B3GLCT: variants seen among roughly 807,000 people sequenced by gnomAD.
The protein encoded by B3GLCT is beta-1,3-glucosyltransferase.
Under a neutral mutation model 63.4 loss-of-function variants are expected in B3GLCT, and 65 were observed. The observed-to-expected ratio is 1.03, with a 90% CI of 0.84 to 1.26. The LOEUF is 1.26. Ranked by LOEUF, B3GLCT falls within the 50% of genes most tolerant of loss-of-function variation. The pLI is 0.00. For missense variants in B3GLCT, 577 were observed against 604.8 expected (o/e 0.95, Z 0.48); for synonymous variants, 233 against 219.2 (o/e 1.06, Z -0.55).
chr13:31,247,755 A>G, intron 5 of B3GLCT, 100 bp from the exon 6 acceptor site: 1 of 634,162 alleles, frequency 1.6e-6, no homozygotes, highest in Non-Finnish European at 2.8e-6. Flanking sequence ...TAGATATGCC[A>G]TTCTGTGTAC....
chr13:31,271,415 A>G (rs759523684), intron 8 of B3GLCT, among the ~76,000 whole-genome samples: 18 of 152,324 alleles, frequency 1.2e-4, no homozygotes, highest in Non-Finnish European at 2.5e-4. Context: ...TATTACAACC[A>G]TTGCTTCTAT....
chr13:31,299,073 G>C (rs1392440687), intron 12 of B3GLCT, among the ~76,000 whole-genome samples: 3 of 152,130 alleles, frequency 2.0e-5, no homozygotes, highest in African/African-American at 4.8e-5. Context: ...TCCTGCCTTG[G>C]CAAGATTTGC....
At chr13:31,227,069 C>T (rs1870138672) in intron 3 of B3GLCT, among the ~76,000 whole-genome samples, 2 of 151,936 alleles carry the variant, frequency 1.3e-5, no homozygotes, top group Admixed American at 1.3e-4. Flanking sequence ...TTGCAACTTG[C>T]TTTTTTCAGC....
chr13:31,282,554 A>G (rs759340121), intron 10 of B3GLCT, among the ~76,000 whole-genome samples: 2 of 151,380 alleles, frequency 1.3e-5, no homozygotes, highest in Non-Finnish European at 1.5e-5. Context: ...AAGCAGGAGC[A>G]TGGTGTGAAC....
Position 31,200,019 on chromosome 13 carries a change from C to A in B3GLCT, c.-66C>A. 2 of 1,055,336 alleles carry A rather than the reference C, an allele frequency of 1.9e-6. No individual in the cohort carries two copies. The highest frequency in any genetic ancestry group is 2.4e-6 in the Non-Finnish European group (2 of 828,370). 65.4% of individuals were successfully genotyped at this position (1,055,336 alleles called of 1,614,324 possible). On this transcript the variant is annotated 5_prime_UTR_variant, in exon 1 of 15. Coordinates refer to ENST00000343307, the MANE Select transcript of B3GLCT (RefSeq NM_194318.4). ...CGGCAGGGCGGCGGCGGCAGCGGCG[C>A]AGCTCCGCTCCCCGCGCGTCTCCCT...
In B3GLCT at chr13:31,274,541, A is replaced by G; in HGVS notation, c.693A>G (p.Gly231=). 6.2e-7 allele frequency: 1 copy of G among 1,613,876 alleles called. No individual in the cohort carries two copies. The highest frequency in any genetic ancestry group is 8.5e-7 in the Non-Finnish European group (1 of 1,179,992). The part of the protein sequence containing the change: ...IALYIWDKGG[G]PPLTPVPEFC... ...TCTACATCTGGGACAAAGGCGGAGG[A>G]CCTCCCCTGACCCCAGTGCCTGAGT... Residue 231 remains glycine, a synonymous_variant, in exon 9 of 15, where the codon GGA becomes GGG. Transcript: ENST00000343307.
chr13:31,279,093 G>A (rs1034533009), intron 10 of B3GLCT, among the ~76,000 whole-genome samples: 1 of 152,126 alleles, frequency 6.6e-6, no homozygotes, highest in African/African-American at 2.4e-5. Flanking sequence ...TTGATGTCCT[G>A]CTATGCTCAA....
chr13:31,206,698 T>C (rs904803126), intron 1 of B3GLCT, among the ~76,000 whole-genome samples: 21 of 146,744 alleles, frequency 1.4e-4, no homozygotes, highest in African/African-American at 5.4e-4. Context: ...GATCATGCCA[T>C]TGCACTCCAG....
At chr13:31,290,461 C>T (rs1306223331) in intron 12 of B3GLCT, among the ~76,000 whole-genome samples, 2 of 152,226 alleles carry the variant, frequency 1.3e-5, no homozygotes, top group African/African-American at 4.8e-5. Context: ...AATGGTTGAA[C>T]TAATTTACAC....
intron 3 of B3GLCT, among the ~76,000 whole-genome samples, chr13:31,226,073 C>T (rs186538169): frequency 1.5e-4 from 23 of 152,314 alleles, no homozygotes; most frequent in Non-Finnish European, 2.4e-4. Flanking sequence ...ATCTGCTACC[C>T]TCTGTGTGTG....
chr13:31,293,476 T>C (rs1873780969), intron 12 of B3GLCT, among the ~76,000 whole-genome samples: 1 of 152,234 alleles, frequency 6.6e-6, no homozygotes, highest in African/African-American at 2.4e-5. Flanking sequence ...TTTATGAATC[T>C]GGATGCTCCG....
chr13:31,273,715 G>A (rs1872665352), intron 8 of B3GLCT, among the ~76,000 whole-genome samples: 1 of 152,066 alleles, frequency 6.6e-6, no homozygotes, highest in African/African-American at 2.4e-5. Context: ...ATTTACATTA[G>A]CTTCTGCCTG....
chr13:31,296,099 G>T (rs1873928910), intron 12 of B3GLCT, among the ~76,000 whole-genome samples: 1 of 152,184 alleles, frequency 6.6e-6, no homozygotes, highest in South Asian at 2.1e-4. Context: ...TCCCAGGTAA[G>T]GCGACGCACC....
rs1871266062 is a variant in B3GLCT, at chr13:31,247,916, A to C, written c.409A>C (p.Ile137Leu). 6.2e-7 allele frequency: 1 copy of C among 1,611,918 alleles called. No individual in the cohort carries two copies. Among genetic ancestry groups the C allele is most frequent in the South Asian group, 1.1e-5 (1 of 91,048 alleles). ...WIFFCEEETR[I>L]QIPKLLETLR... ...TTTCTTCTGTGAAGAAGAGACAAGA[A>C]TACAGATTCCAAAACTCTTGGAAAC... The change falls in exon 6 of 15, where the codon ATA (isoleucine) becomes CTA (leucine). Residue 137 changes from isoleucine (I) to leucine (L), a missense_variant. Transcript: ENST00000343307.
At chr13:31,253,466 G>T (rs1179217301) in intron 6 of B3GLCT, among the ~76,000 whole-genome samples, 5 of 151,824 alleles carry the variant, frequency 3.3e-5, no homozygotes, top group Admixed American at 6.6e-5. Context: ...GGTGGCGGGT[G>T]CCTGTAGTCC....
intron 9 of B3GLCT, among the ~76,000 whole-genome samples, chr13:31,276,501 G>A (rs574547666): frequency 3.3e-5 from 5 of 152,240 alleles, no homozygotes; most frequent in African/African-American, 1.2e-4. Context: ...AGTGTAGCAG[G>A]CAGGTCCAGG....
chr13:31,324,750 A>G (rs965565616), intron 14 of B3GLCT, among the ~76,000 whole-genome samples: 2 of 151,712 alleles, frequency 1.3e-5, no homozygotes, highest in Admixed American at 6.6e-5. Context: ...TTATTTTGAG[A>G]TAGGGTCTTG....
At chr13:31,310,425 C>T (rs1874644922) in intron 12 of B3GLCT, among the ~76,000 whole-genome samples, 3 of 152,298 alleles carry the variant, frequency 2.0e-5, no homozygotes, top group Non-Finnish European at 2.9e-5. Context: ...ATAACACTTT[C>T]CTGGCTGGCT....
At chr13:31,244,128 T>G (rs969786761) in intron 4 of B3GLCT, among the ~76,000 whole-genome samples, 3 of 152,212 alleles carry the variant, frequency 2.0e-5, no homozygotes, top group Admixed American at 6.5e-5. Context: ...GATATAACAT[T>G]TTCTTATTTT....
Sources: allele counts gnomAD v4.1 joint callset (sites outside exome capture counted in the v4.1 genomes callset), GRCh38; gene constraint gnomAD v4.1.1; transcripts MANE v1.5; gene names NCBI Gene and HGNC (gene_info 2026-07-23, HGNC 2026-07-21).